The following KIF19 variants were observed in gnomAD, a reference collection of about 807,000 sequenced individuals.
The protein encoded by KIF19 is kinesin-like protein KIF19.
In KIF19, 98 loss-of-function variants were observed where a neutral mutation model predicts 106.6. That is an observed-to-expected ratio of 0.92 (90% CI 0.78 to 1.09). The LOEUF is 1.09. Among genes scored for constraint, KIF19 ranks in the 50% least tolerant of loss-of-function variants. The probability of loss-of-function intolerance (pLI) is 0.00; values close to 1 mark genes in which losing one functional copy is unlikely to be tolerated. For synonymous variants in KIF19, 516 were observed against 584.2 expected, an observed-to-expected ratio of 0.88 and a Z score of 1.68; for missense variants, 1,373 against 1,414.3, an observed-to-expected ratio of 0.97 and a Z score of 0.47.
rs907556301 is a variant in KIF19, at chr17:74,337,022, C to G, written c.121-4854C>G. Among the ~76,000 whole-genome samples the G allele has an allele frequency of 5.3e-5, 8 of 152,150 alleles. 1 individual carries two copies. In the South Asian group the frequency reaches 1.7e-3, roughly 32 times the overall value. On this transcript the variant is annotated intron_variant, in intron 2 of 19. Transcript: ENST00000389916. ...TGTATTTTTAGTATTTTAGTAGAGA[C>G]GGGGTTTCGCCATGTTGGCCAGGCT...
In KIF19 at chr17:74,326,322, G is replaced by A. The variant is rs1311519700; in HGVS notation, c.-28G>A. 1.2e-6 allele frequency: 2 copies of A among 1,600,730 alleles called. No individual in the cohort carries two copies. Among genetic ancestry groups the A allele is most frequent in the Non-Finnish European group, 8.5e-7 (1 of 1,175,446 alleles). On this transcript the variant is annotated 5_prime_UTR_variant, in exon 1 of 20. Transcript: ENST00000389916. ...GCGGCTGAGCCATGCCCGGTGGCGC[G>A]GCCTGAGCCCCTCCACCTGCTGCAA...
intron 9 of KIF19, 73 bp from the exon 10 acceptor site, chr17:74,349,111 G>A: frequency 6.6e-7 from 1 of 1,517,794 alleles, no homozygotes; most frequent in Non-Finnish European, 9.1e-7. Context: ...GGGAAGAAAG[G>A]CCCTGCAGGC....
At chr17:74,347,629 C>A (rs764632964) in intron 8 of KIF19, 148 bp from the exon 9 acceptor site, 2 of 841,270 alleles carry the variant, frequency 2.4e-6, no homozygotes, top group Non-Finnish European at 3.6e-6. Flanking sequence ...TCCTCCCAAG[C>A]CTCACACCAT....
chr17:74,343,278 C>A, intron 5 of KIF19, 118 bp downstream of exon 5: 1 of 1,029,460 alleles, frequency 9.7e-7, no homozygotes, highest in Non-Finnish European at 1.4e-6. Context: ...GTGAGCTCCA[C>A]TTTACAAACA....
At position 74,353,233 on chromosome 17, in the gene KIF19, T is replaced by A. The variant is rs1421397109; in HGVS notation, c.2152T>A (p.Trp718Arg). 2.5e-6 allele frequency: 4 copies of A among 1,588,678 alleles called. No homozygotes were observed. The highest frequency in any genetic ancestry group is 3.4e-6 in the Non-Finnish European group (4 of 1,168,052). The change falls in exon 16 of 20, where the codon TGG (tryptophan) becomes AGG (arginine). Residue 718 changes from tryptophan to arginine, a missense_variant. Around this residue, in one of 3 missense-constraint regions of KIF19, gnomAD observed 1,020 missense variants for 1,008.2 expected, o/e 1.01. Transcript: ENST00000389916. Reference sequence around the variant, plus strand: ...CGTGTTCAAGGCTGGTACTGGGGCCTGGCAGGCAAAAAGCTCCTCTGTGCC... The same window carrying A: ...CGTGTTCAAGGCTGGTACTGGGGCCAGGCAGGCAAAAAGCTCCTCTGTGCC... The part of the protein sequence containing the change: ...HHVFKAGTGA[W>R]QAKSSSVPTP...
chr17:74,328,695 A>G (rs1029091773), intron 2 of KIF19, 190 bp downstream of exon 2: 2 of 552,374 alleles, frequency 3.6e-6, no homozygotes, highest in African/African-American at 3.8e-5. Flanking sequence ...GCCTTCCTAG[A>G]TTGATCCAAG....
Position 74,331,158 on chromosome 17 carries a change from C to T in KIF19, c.120+2653C>T, listed in dbSNP as rs574350349. Among the ~76,000 whole-genome samples, 9 of 152,260 alleles carry T rather than the reference C, an allele frequency of 5.9e-5. No homozygotes were observed. In the South Asian group the frequency reaches 1.9e-3, roughly 32 times the overall value. On this transcript the variant is annotated intron_variant, in intron 2 of 19. Transcript: ENST00000389916. This position sits in a 1 kb window ranked among gnomAD's most constrained non-coding sequence, Gnocchi z 4.1. ...CCTGACCAGTTCCCCCACCTCCTGA[C>T]CTTCACCTGACCCTAGTGACCCCAT...
At chr17:74,327,544 C>T (rs114823002) in intron 1 of KIF19, among the ~76,000 whole-genome samples, 8,133 of 152,244 alleles carry the variant, frequency 0.053, 402 homozygotes, top group African/African-American at 0.13. Context: ...TGAAGTGGTG[C>T]GATCTCAGCT....
chr17:74,355,368 G>A lies in KIF19; in HGVS notation c.*56G>A. 2.0e-6 allele frequency: 3 copies of A among 1,503,456 alleles called. No individual in the cohort carries two copies. In the South Asian group the frequency reaches 3.8e-5, roughly 19 times the overall value. The allele number at this position is 1,503,456 out of a possible 1,614,324, so 93.1% of individuals were successfully genotyped here. On this transcript the variant is annotated 3_prime_UTR_variant, in exon 20 of 20. Transcript: ENST00000389916. ...TCCCAAGACTGAATGGGGTCTAGCA[G>A]GGCATGGGAGGTGGAGGCTGGGCAG... is the stretch of plus-strand genomic sequence containing the variant.
intron 7 of KIF19, among the ~76,000 whole-genome samples, chr17:74,345,706 G>A (rs997923477): frequency 6.6e-6 from 1 of 152,310 alleles, no homozygotes; most frequent in Admixed American, 6.5e-5. Context: ...GAAAGAATGA[G>A]CAGTCTTTTG....
chr17:74,343,520 A>G (rs2054443790), intron 5 of KIF19, among the ~76,000 whole-genome samples: 1 of 152,184 alleles, frequency 6.6e-6, no homozygotes, highest in African/African-American at 2.4e-5. Context: ...ACATACATGT[A>G]CAGTCTGGAA....
At position 74,349,354 on chromosome 17, in the gene KIF19, G is replaced by T; in HGVS notation, c.1213+5G>T. ...GTGACATCCGCCACATCCAAGGTGC[G>T]CCTGTGGGTCTGTGTGAGTGGCAGC... On this transcript the variant is annotated splice_donor_5th_base_variant and intron_variant, in intron 10 of 19. Transcript: ENST00000389916. 6.3e-7 allele frequency: 1 copy of T among 1,592,548 alleles called. No individual in the cohort carries two copies. Among genetic ancestry groups the T allele is most frequent in the South Asian group, 1.2e-5 (1 of 86,854 alleles).
At chr17:74,350,666 A>C in intron 11 of KIF19, 41 bp from the exon 12 acceptor site, 1 of 1,612,118 alleles carries the variant, frequency 6.2e-7, no homozygotes, top group South Asian at 1.1e-5. Flanking sequence ...CCCTGCCCCC[A>C]TGGCCTGAAT....
At position 74,352,961 on chromosome 17, in the gene KIF19, T is replaced by A. The variant is rs1234240531; in HGVS notation, c.2114+7T>A. On this transcript the variant is annotated splice_region_variant and intron_variant, in intron 15 of 19. Coordinates refer to ENST00000389916, the MANE Select transcript of KIF19 (RefSeq NM_153209.4). ...CTCCCCTCAGCACAGAGAGGTGAGA[T>A]GGGGGCCACCTGCCCCAGCCCCCAC... The A allele has an allele frequency of 1.9e-6, 3 of 1,613,416 alleles. No individual in the cohort carries two copies. Among genetic ancestry groups the A allele is most frequent in the Non-Finnish European group, 2.5e-6 (3 of 1,179,690 alleles).
Position 74,351,956 on chromosome 17 carries a change from G to A in KIF19, c.1677G>A (p.Gln559=). The A allele has an allele frequency of 6.6e-7, 1 of 1,507,676 alleles. No homozygotes were observed. Among genetic ancestry groups the A allele is most frequent in the Middle Eastern group, 2.2e-4 (1 of 4,458 alleles). The allele number at this position is 1,507,676 out of a possible 1,614,324, so 93.4% of individuals were successfully genotyped here. ...CGCGGCGCATCGGCTCCGAGGAGCA[G>A]CGCGAGGTGCTCAGCCTGCTGTGCC... ...TLPRRIGSEE[Q]REVLSLLCRV... The change falls in exon 13 of 20, where the codon CAG becomes CAA. Residue 559 remains glutamine (Q), a synonymous_variant. Coordinates refer to ENST00000389916, the MANE Select transcript of KIF19 (RefSeq NM_153209.4).
chr17:74,342,043 A>AGTGGGG, intron 3 of KIF19, 57 bp downstream of exon 3: 3 of 1,334,756 alleles, frequency 2.2e-6, no homozygotes, highest in Non-Finnish European at 3.2e-6. Context: ...CCTTAGCCCC[A>AGTGGGG]CTCAGGAGGG....
intron 9 of KIF19, among the ~76,000 whole-genome samples, chr17:74,348,215 A>C (rs112214807): frequency 5.5e-4 from 84 of 152,306 alleles, no homozygotes; most frequent in African/African-American, 1.9e-3. Context: ...GCACCTCTTC[A>C]TGATGGTCAT....
intron 2 of KIF19, among the ~76,000 whole-genome samples, chr17:74,334,499 C>T (rs1019970730): frequency 2.0e-5 from 3 of 152,168 alleles, no homozygotes; most frequent in Non-Finnish European, 2.9e-5. Context: ...GTCTCAGAAT[C>T]GTATAGCCAG....
intron 2 of KIF19, among the ~76,000 whole-genome samples, chr17:74,337,009 A>G (rs1182452924): frequency 2.0e-5 from 3 of 151,772 alleles, no homozygotes; most frequent in Non-Finnish European, 4.4e-5. Context: ...TATTTTTAGT[A>G]TTTTAGTAGA....
Sources: gnomAD v4.1 joint callset for allele counts (sites outside exome capture counted in the v4.1 genomes callset) on GRCh38, gnomAD v4.1.1 for gene constraint, gnomAD v4.1.1 regional missense constraint, Gnocchi (gnomAD v3.1) non-coding constraint, MANE v1.5 for transcripts, NCBI Gene and HGNC (gene_info 2026-07-23, HGNC 2026-07-21) for gene names.